Variants in RTL4 observed in about 807,000 individuals in gnomAD.
RTL4 encodes retrotransposon Gag like 4, also known as retrotransposon Gag-like protein 4.
A neutral mutation model predicts 5.3 loss-of-function variants in RTL4; 4 were observed. The ratio of observed to expected loss-of-function variants is 0.75; its 90% CI spans 0.37 to 1.72. The LOEUF is 1.72. Ranked by LOEUF, RTL4 falls within the 40% of genes most tolerant of loss-of-function variation. RTL4 has a pLI of 0.04. For synonymous variants in RTL4, 98 were observed against 87.3 expected (o/e 1.12, Z -0.68); for missense variants, 260 against 227.1 (o/e 1.14, Z -0.93).
the RTL4 span, among the ~76,000 whole-genome samples, chrX:112,181,931 G>T: frequency 9.0e-6 from 1 of 111,367 alleles, no homozygotes; most frequent in African/African-American, 3.3e-5. Flanking sequence ...ATACAGGAGA[G>T]ATCTAGCTGG....
At chrX:112,170,486 C>T in the RTL4 span, among the ~76,000 whole-genome samples, 1 of 111,374 alleles carries the variant, frequency 9.0e-6, no homozygotes, top group African/African-American at 3.3e-5. Flanking sequence ...AGTTGTATTC[C>T]TAGGTATTTT....
the RTL4 span, among the ~76,000 whole-genome samples, chrX:112,393,712 C>T: frequency 1.4e-3 from 157 of 112,155 alleles, no homozygotes; most frequent in Non-Finnish European, 2.3e-3. Flanking sequence ...GCGGCAAACT[C>T]CCTCCCTGTG....
At chrX:112,153,942 C>T in the RTL4 span, among the ~76,000 whole-genome samples, 2 of 110,822 alleles carry the variant, frequency 1.8e-5, no homozygotes, top group Non-Finnish European at 3.8e-5. Context: ...TTTCTTTCTC[C>T]TGTTCTTCTG....
chrX:112,412,077 G>A, the RTL4 span, among the ~76,000 whole-genome samples: 1 of 109,967 alleles, frequency 9.1e-6, no homozygotes, highest in African/African-American at 3.3e-5. Flanking sequence ...ATCTGAAAAA[G>A]AAATAAGAAA....
the RTL4 span, among the ~76,000 whole-genome samples, chrX:112,133,616 G>A: frequency 9.0e-6 from 1 of 111,668 alleles, no homozygotes; most frequent in Admixed American, 9.5e-5. Flanking sequence ...TTGGAGTTTA[G>A]CATTTATGGG....
At chrX:112,246,576 A>C in the RTL4 span, among the ~76,000 whole-genome samples, 3 of 111,898 alleles carry the variant, frequency 2.7e-5, no homozygotes, top group East Asian at 8.5e-4. Context: ...CTGTTGGAAA[A>C]GCACAGTATT....
chrX:112,171,839 C>T, the RTL4 span, among the ~76,000 whole-genome samples: 4 of 112,008 alleles, frequency 3.6e-5, no homozygotes, highest in Non-Finnish European at 7.5e-5. Context: ...GCAACTGCAA[C>T]AACAGAAAAA....
the RTL4 span, among the ~76,000 whole-genome samples, chrX:112,217,232 A>G: frequency 9.0e-6 from 1 of 111,670 alleles, no homozygotes; most frequent in African/African-American, 3.3e-5. Flanking sequence ...GTTCTGAAAT[A>G]GTGACATAGG....
the RTL4 span, among the ~76,000 whole-genome samples, chrX:112,171,987 G>A: frequency 3.4e-3 from 385 of 111,743 alleles, 2 homozygotes; most frequent in African/African-American, 0.012. Context: ...TATCCAGAGT[G>A]TAGAAGGAAC....
chrX:112,243,760 T>A, the RTL4 span, among the ~76,000 whole-genome samples: 1 of 111,475 alleles, frequency 9.0e-6, no homozygotes, highest in African/African-American at 3.3e-5. Flanking sequence ...GTTTGCTCTT[T>A]CTTCTCTGGT....
At chrX:112,394,281 G>T in the RTL4 span, among the ~76,000 whole-genome samples, 1 of 111,480 alleles carries the variant, frequency 9.0e-6, no homozygotes, top group Non-Finnish European at 1.9e-5. Flanking sequence ...GTACCTGAAT[G>T]TTTCAGCTGA....
At chrX:112,117,484 C>T in the RTL4 span, among the ~76,000 whole-genome samples, 18,250 of 109,915 alleles carry the variant, frequency 0.17, 2,343 homozygotes, top group African/African-American at 0.44. Flanking sequence ...TTAACATATA[C>T]TAAGCTCTTA....
chrX:112,137,961 C>T, the RTL4 span, among the ~76,000 whole-genome samples: 1 of 111,823 alleles, frequency 8.9e-6, no homozygotes, highest in African/African-American at 3.2e-5. Flanking sequence ...TTCATTGTAG[C>T]ATTGTTCACA....
At chrX:112,122,140 T>C in the RTL4 span, among the ~76,000 whole-genome samples, 2 of 111,798 alleles carry the variant, frequency 1.8e-5, no homozygotes, top group African/African-American at 6.5e-5. Context: ...CCCATGTGTT[T>C]TGCAGCACTG....
the RTL4 span, among the ~76,000 whole-genome samples, chrX:112,402,935 G>T: frequency 9.0e-6 from 1 of 111,557 alleles, no homozygotes; most frequent in African/African-American, 3.3e-5. Flanking sequence ...AGAAAGCAGG[G>T]AACTGTGAAA....
chrX:112,323,768 G>A, the RTL4 span, among the ~76,000 whole-genome samples: 6 of 112,065 alleles, frequency 5.4e-5, no homozygotes, highest in African/African-American at 1.9e-4. Context: ...GAGATATCAG[G>A]CATGAGCCAC....
the RTL4 span, among the ~76,000 whole-genome samples, chrX:112,441,154 C>CT: frequency 8.1e-5 from 9 of 111,395 alleles, no homozygotes; most frequent in South Asian, 3.8e-4. Context: ...AATCCAATCT[C>CT]TGTTTGAATA....
chrX:112,194,224 C>T, the RTL4 span, among the ~76,000 whole-genome samples: 1 of 111,388 alleles, frequency 9.0e-6, no homozygotes, highest in South Asian at 3.8e-4. Context: ...CATTATATGC[C>T]TCTGTTATAG....
chrX:112,115,647 C>T, the RTL4 span, among the ~76,000 whole-genome samples: 1 of 111,884 alleles, frequency 8.9e-6, no homozygotes, highest in African/African-American at 3.2e-5. Flanking sequence ...GCCCCCACCC[C>T]CCCGACAGGG....
Sources: gnomAD v4.1 joint callset for allele counts (sites outside exome capture counted in the v4.1 genomes callset) on GRCh38, gnomAD v4.1.1 for gene constraint, MANE v1.5 for transcripts, NCBI Gene and HGNC (gene_info 2026-07-23, HGNC 2026-07-21) for gene names.